Variants in RSRC2 observed in about 807,000 individuals in gnomAD.
RSRC2 encodes the protein arginine and serine rich coiled-coil 2, also known as arginine/serine-rich coiled-coil protein 2.
In RSRC2, 5 loss-of-function variants were observed where a neutral mutation model predicts 61.3. That is an observed-to-expected ratio of 0.08 (90% CI 0.04 to 0.17). The LOEUF is 0.17. Among genes scored for constraint, RSRC2 ranks in the 10% least tolerant of loss-of-function variants. The pLI is 1.00. For missense variants in RSRC2, 381 were observed against 518.8 expected (o/e 0.73, Z 2.58); for synonymous variants, 202 against 166.5 (o/e 1.21, Z -1.64).
intron 5 of RSRC2, 147 bp from the exon 6 acceptor site, chr12:122,515,374 C>G (rs1393620367): frequency 5.3e-6 from 4 of 759,676 alleles, no homozygotes; most frequent in African/African-American, 1.8e-5. Flanking sequence ...AGTGTTACAG[C>G]TGAACTCATT....
At position 122,505,161 on chromosome 12, in the gene RSRC2, T is replaced by C; in HGVS notation, c.*366A>G. 6.0e-6 allele frequency: 1 copy of C among 167,106 alleles called. No individual in the cohort carries two copies. Among genetic ancestry groups the C allele is most frequent in the Non-Finnish European group, 1.3e-5 (1 of 78,038 alleles). The allele number at this position is 167,106 out of a possible 1,614,324, so 10.4% of individuals were successfully genotyped here. A position where few individuals can be genotyped will look rare whatever the true frequency, so the allele number is the denominator to read the frequency against. ...GAACATCTACATAACATTTCTTTCA[T>C]GTTTCAAGAGATGAAAATAACTGTA... On this transcript the variant is annotated 3_prime_UTR_variant, in exon 10 of 10. Coordinates refer to ENST00000331738, the MANE Select transcript of RSRC2 (RefSeq NM_023012.6).
chr12:122,526,905 G>T lies in RSRC2; in HGVS notation c.-52C>A. Reference sequence around the variant, plus strand: ...GCGCCTCCACTTGTCGCTTTCAACAGTACCGGCCGCTCCGAAGCTTCGCCT... The same window carrying T: ...GCGCCTCCACTTGTCGCTTTCAACATTACCGGCCGCTCCGAAGCTTCGCCT... On this transcript the variant is annotated 5_prime_UTR_variant, in exon 1 of 10. It adds an upstream start codon to the 5' untranslated region. Coordinates refer to ENST00000331738, the MANE Select transcript of RSRC2 (RefSeq NM_023012.6). The T allele has an allele frequency of 6.2e-7, 1 of 1,610,408 alleles. No homozygotes were observed. Among genetic ancestry groups the T allele is most frequent in the Non-Finnish European group, 8.5e-7 (1 of 1,176,702 alleles).
intron 3 of RSRC2, chr12:122,521,162 A>G: frequency 4.6e-6 from 2 of 433,322 alleles, no homozygotes; most frequent in Non-Finnish European, 8.3e-6. Flanking sequence ...TTTATTGTGA[A>G]TATTTTCACA....
intron 9 of RSRC2, chr12:122,506,238 A>G (rs1320160443): frequency 1.3e-5 from 2 of 152,414 alleles, no homozygotes; most frequent in African/African-American, 4.8e-5. Flanking sequence ...ACAAAAAACA[A>G]ACAAACAAAA....
chr12:122,516,511 T>TG (rs1330649472), intron 5 of RSRC2, among the ~76,000 whole-genome samples: 2 of 152,236 alleles, frequency 1.3e-5, no homozygotes, highest in African/African-American at 2.4e-5. Context: ...TTTGGAATTC[T>TG]GGGGCAAATT....
chr12:122,526,787 A>C, intron 1 of RSRC2, 61 bp downstream of exon 1: 1 of 1,589,586 alleles, frequency 6.3e-7, no homozygotes, highest in Non-Finnish European at 8.6e-7. Context: ...GGAGCCGTTC[A>C]CCCACTGTTG....
chr12:122,513,755 G>C (rs1199908236), intron 6 of RSRC2: 2 of 984,158 alleles, frequency 2.0e-6, no homozygotes, highest in African/African-American at 1.7e-5. Context: ...TGGAAAGAAG[G>C]GGTGAGCTCA....
intron 6 of RSRC2, 67 bp downstream of exon 6, chr12:122,515,038 C>T (rs1958805622): frequency 1.3e-6 from 2 of 1,521,680 alleles, no homozygotes; most frequent in East Asian, 4.5e-5. Flanking sequence ...AAGAATTCAT[C>T]TTATCCACAC....
At chr12:122,524,798 T>C (rs1021639315) in intron 1 of RSRC2, among the ~76,000 whole-genome samples, 6 of 152,202 alleles carry the variant, frequency 3.9e-5, no homozygotes, top group Non-Finnish European at 7.4e-5. Context: ...AAAATTGCTC[T>C]GAAATTTTCT....
At chr12:122,506,964 A>G (rs769891314) in intron 8 of RSRC2, 41 bp from the exon 9 acceptor site, 4 of 1,166,680 alleles carry the variant, frequency 3.4e-6, no homozygotes, top group East Asian at 2.4e-5. Flanking sequence ...TAAAATTTAA[A>G]TATTTTTTAG....
At chr12:122,521,762 A>T (rs1959228822) in intron 2 of RSRC2, among the ~76,000 whole-genome samples, 1 of 152,236 alleles carries the variant, frequency 6.6e-6, no homozygotes, top group Non-Finnish European at 1.5e-5. Flanking sequence ...AGCCATTAAG[A>T]AAAATAAAAA....
chr12:122,505,894 T>C (rs1205499519), intron 9 of RSRC2, among the ~76,000 whole-genome samples, 188 bp from the exon 10 acceptor site: 1 of 152,094 alleles, frequency 6.6e-6, no homozygotes, highest in Non-Finnish European at 1.5e-5. Flanking sequence ...TTCTTATGCC[T>C]CAGCCTCCCA....
chr12:122,518,035 T>C (rs1461546222), intron 4 of RSRC2, among the ~76,000 whole-genome samples: 1 of 152,120 alleles, frequency 6.6e-6, no homozygotes, highest in African/African-American at 2.4e-5. Context: ...AGTGACTCAC[T>C]CCTGAAATCC....
intron 7 of RSRC2, among the ~76,000 whole-genome samples, chr12:122,510,303 G>T (rs763622883): frequency 5.2e-4 from 79 of 151,446 alleles, no homozygotes; most frequent in Non-Finnish European, 1.0e-3. Flanking sequence ...AGGCCAAGAA[G>T]GACGATCACC....
chr12:122,522,428 G>A (rs1959352817), intron 1 of RSRC2, 129 bp from the exon 2 acceptor site: 2 of 858,362 alleles, frequency 2.3e-6, no homozygotes, highest in African/African-American at 3.4e-5. Context: ...TGCTTTCCAA[G>A]TAACTAAATG....
chr12:122,520,428 T>TA lies in RSRC2; in HGVS notation c.207+956dup, dbSNP rs201738968. On this transcript the variant is annotated intron_variant, in intron 3 of 9. Coordinates refer to ENST00000331738, the MANE Select transcript of RSRC2 (RefSeq NM_023012.6). ...TTCAAACATAACATTACTATTAATT[T>TA]AAAAAAAACATTAAAACCCTTAACT... 6,639 of 868,774 alleles carry TA rather than the reference T, an allele frequency of 7.6e-3. 66 individuals carry two copies. The highest frequency in any genetic ancestry group is 0.029 in the South Asian group (2,158 of 74,342). The allele number at this position is 868,774 out of a possible 1,614,324, so 53.8% of individuals were successfully genotyped here.
At chr12:122,518,818 T>C in intron 4 of RSRC2, 21 bp downstream of exon 4, 5 of 1,591,520 alleles carry the variant, frequency 3.1e-6, no homozygotes, top group Non-Finnish European at 4.3e-6. Flanking sequence ...AGGTACTACA[T>C]TATAATACAA....
intron 4 of RSRC2, 58 bp from the exon 5 acceptor site, chr12:122,517,488 C>G: frequency 9.4e-6 from 15 of 1,603,054 alleles, no homozygotes; most frequent in Non-Finnish European, 1.3e-5. Flanking sequence ...TTCATTTATA[C>G]ACATCATGAA....
chr12:122,519,499 C>T (rs1367556982), intron 3 of RSRC2: 1 of 157,194 alleles, frequency 6.4e-6, no homozygotes, highest in Non-Finnish European at 1.4e-5. Context: ...TCTATAATTT[C>T]AAATTATTTT....
Sources: gnomAD v4.1 joint callset for allele counts (sites outside exome capture counted in the v4.1 genomes callset) on GRCh38, gnomAD v4.1.1 for gene constraint, MANE v1.5 for transcripts, NCBI Gene and HGNC (gene_info 2026-07-23, HGNC 2026-07-21) for gene names.